STX11: variants seen among roughly 807,000 people sequenced by gnomAD.
STX11 encodes syntaxin-11.
A neutral mutation model predicts 19.9 loss-of-function variants in STX11; 21 were observed. That is an observed-to-expected ratio of 1.06 (90% CI 0.75 to 1.52). The LOEUF (loss-of-function observed/expected upper bound fraction) is 1.52, where lower values mean the gene tolerates loss of function less well. Ranked by LOEUF, STX11 falls within the 40% of genes most tolerant of loss-of-function variation. The pLI, the probability that STX11 is intolerant of heterozygous loss-of-function variation, is 0.00. For synonymous variants in STX11, 193 were observed against 174.4 expected (o/e 1.11, Z -0.84); for missense variants, 438 against 405.9 (o/e 1.08, Z -0.68).
At position 144,155,373 on chromosome 6, in the gene STX11, A is replaced by C. The variant is rs1232469714; in HGVS notation, c.-6+4670A>C. Among the ~76,000 whole-genome samples the C allele has an allele frequency of 2.0e-5, 3 of 152,166 alleles. No homozygotes were observed. The highest frequency in any genetic ancestry group is 4.4e-5 in the Non-Finnish European group (3 of 68,036). On this transcript the variant is annotated intron_variant, in intron 1 of 1. Coordinates refer to ENST00000367568, the MANE Select transcript of STX11 (RefSeq NM_003764.4). The surrounding 1 kb of genome is among the most constrained non-coding windows in gnomAD (Gnocchi z 4.5). ...GCGGGGGAGAATGTTCAAATGTCTA[A>C]AGCTTGAAGTTTTAAAATAGTTTCT...
chr6:144,171,754 G>A (rs760038951), intron 1 of STX11, among the ~76,000 whole-genome samples: 4 of 151,480 alleles, frequency 2.6e-5, no homozygotes, highest in Non-Finnish European at 5.9e-5. Context: ...TATGACCACA[G>A]TCTTCAAAAA....
chr6:144,151,511 C>T lies in STX11; in HGVS notation c.-6+808C>T. The T allele has an allele frequency of 1.2e-6, 1 of 844,672 alleles. No individual in the cohort carries two copies. Among genetic ancestry groups the T allele is most frequent in the Non-Finnish European group, 1.4e-6 (1 of 701,614 alleles). 52.3% of individuals were successfully genotyped at this position (844,672 alleles called of 1,614,324 possible). ...AAAATGAGACTCTAGATGTGAAATG[C>T]CTGCCCTGCCAACCTGGGGCAGTGG... On this transcript the variant is annotated intron_variant, in intron 1 of 1. Transcript: ENST00000367568. This position sits in a 1 kb window ranked among gnomAD's most constrained non-coding sequence, Gnocchi z 4.6.
At chr6:144,157,231 C>A (rs949252018) in intron 1 of STX11, among the ~76,000 whole-genome samples, 1 of 152,168 alleles carries the variant, frequency 6.6e-6, no homozygotes, top group Non-Finnish European at 1.5e-5. Context: ...TGCACAACAG[C>A]GGCCTCAACA....
rs756779119 is a variant in STX11 at position 144,188,827 on chromosome 6, A to G, written c.*1336A>G. 8.3e-5 allele frequency among the ~76,000 whole-genome samples: 12 copies of G among 144,660 alleles called. No homozygotes were observed. The highest frequency in any genetic ancestry group is 2.2e-4 in the Admixed American group (3 of 13,902). 94.9% of individuals were successfully genotyped at this position (144,660 alleles called of 152,430 possible). On this transcript the variant is annotated 3_prime_UTR_variant, in exon 2 of 2. Coordinates refer to ENST00000367568, the MANE Select transcript of STX11 (RefSeq NM_003764.4). ...TTGCAACCTCTGTCTCCCAGGTTCGAGCGATTCTCCTGACTCAGCCTCCTG... is the reference window on the plus strand; with the variant it reads ...TTGCAACCTCTGTCTCCCAGGTTCGGGCGATTCTCCTGACTCAGCCTCCTG...
At chr6:144,146,716 C>G (rs1800880419), upstream of STX11, among the ~76,000 whole-genome samples, 1 of 152,118 alleles carries the variant, frequency 6.6e-6, no homozygotes, top group Non-Finnish European at 1.5e-5. The surrounding 1 kb of genome is among the most constrained non-coding windows in gnomAD (Gnocchi z 4.4). Flanking sequence ...ACCACCGCAC[C>G]CGGCTAATTC....
rs973899128 is a variant in STX11 at position 144,176,583 on chromosome 6, C to T, written c.-5-10040C>T. Among the ~76,000 whole-genome samples, 1 of 152,104 alleles carries T rather than the reference C, an allele frequency of 6.6e-6. No homozygotes were observed. Among genetic ancestry groups the T allele is most frequent in the African/African-American group, 2.4e-5 (1 of 41,420 alleles). The stretch of plus-strand genomic sequence containing the variant: ...TATAGAATGTTTGCTTCTCGAATGT[C>T]TTTGCTTGCCACAGTCTCTAAAGGG... On this transcript the variant is annotated intron_variant, in intron 1 of 1. Coordinates refer to ENST00000367568, the MANE Select transcript of STX11 (RefSeq NM_003764.4). The surrounding 1 kb of genome is among the most constrained non-coding windows in gnomAD (Gnocchi z 4.1).
chr6:144,161,177 T>A (rs1171113315), intron 1 of STX11, among the ~76,000 whole-genome samples: 1 of 152,164 alleles, frequency 6.6e-6, no homozygotes, highest in Non-Finnish European at 1.5e-5. Flanking sequence ...CATGAAGAAT[T>A]TGAATTTTTA....
rs573648525 is a variant in STX11 at position 144,162,632 on chromosome 6, C to T, written c.-6+11929C>T. ...CTGCCCTAAAACATAGAGGATGGATCATAGGCATGGGATGTTTTGATGGAC... is the reference window on the plus strand; with the variant it reads ...CTGCCCTAAAACATAGAGGATGGATTATAGGCATGGGATGTTTTGATGGAC... On this transcript the variant is annotated intron_variant, in intron 1 of 1. Transcript: ENST00000367568. The surrounding 1 kb of genome is among the most constrained non-coding windows in gnomAD (Gnocchi z 4.6). Among the ~76,000 whole-genome samples the T allele has an allele frequency of 6.6e-6, 1 of 152,130 alleles. No individual in the cohort carries two copies. The highest frequency in any genetic ancestry group is 2.1e-4 in the South Asian group (1 of 4,828).
chr6:144,178,967 C>T (rs970201299), intron 1 of STX11, among the ~76,000 whole-genome samples: 1 of 151,996 alleles, frequency 6.6e-6, no homozygotes, highest in African/African-American at 2.4e-5. Flanking sequence ...AGTCTGTTTT[C>T]ATGCTGCTGA....
In STX11 at chr6:144,154,580, A is replaced by G. The variant is rs1005357688; in HGVS notation, c.-6+3877A>G. 2.0e-5 allele frequency among the ~76,000 whole-genome samples: 3 copies of G among 152,208 alleles called. No homozygotes were observed. The highest frequency in any genetic ancestry group is 2.9e-5 in the Non-Finnish European group (2 of 68,038). On this transcript the variant is annotated intron_variant, in intron 1 of 1. Coordinates refer to ENST00000367568, the MANE Select transcript of STX11 (RefSeq NM_003764.4). This position sits in a 1 kb window ranked among gnomAD's most constrained non-coding sequence, Gnocchi z 4.7. The stretch of plus-strand genomic sequence containing the variant: ...CAATGTTTTGTTGCTAAGATTTTCC[A>G]TAGGGAAGCAGAAAGGCTAGCAAGG...
At chr6:144,142,593 T>G in the STX11 span, among the ~76,000 whole-genome samples, 1 of 152,206 alleles carries the variant, frequency 6.6e-6, no homozygotes, top group Non-Finnish European at 1.5e-5. Context: ...CATAAAAGAA[T>G]GAAATCATGT....
At chr6:144,173,312 A>G (rs1230918557) in intron 1 of STX11, among the ~76,000 whole-genome samples, 3 of 152,190 alleles carry the variant, frequency 2.0e-5, no homozygotes, top group African/African-American at 7.2e-5. Context: ...AATTGTTTTC[A>G]TGTTAGACCT....
chr6:144,166,345 C>G (rs1308391285), intron 1 of STX11, among the ~76,000 whole-genome samples: 2 of 152,170 alleles, frequency 1.3e-5, no homozygotes, highest in Non-Finnish European at 2.9e-5. Context: ...CATCAGTCCT[C>G]AGATTGGCTT....
rs187432786 is a variant in STX11 at position 144,170,356 on chromosome 6, G to C, written c.-5-16267G>C. 6.6e-6 allele frequency among the ~76,000 whole-genome samples: 1 copy of C among 152,164 alleles called. No individual in the cohort carries two copies. Among genetic ancestry groups the C allele is most frequent in the African/African-American group, 2.4e-5 (1 of 41,434 alleles). ...TATTACCTTTTGTCTGTGTGTGTGC[G>C]TGGGAAGGGGAATCTGGACATGTGC... On this transcript the variant is annotated intron_variant, in intron 1 of 1. Transcript: ENST00000367568. The surrounding 1 kb of genome is among the most constrained non-coding windows in gnomAD (Gnocchi z 4.7).
At position 144,187,617 on chromosome 6, in the gene STX11, A is replaced by G; in HGVS notation, c.*126A>G. On this transcript the variant is annotated 3_prime_UTR_variant, in exon 2 of 2. Transcript: ENST00000367568. The surrounding 1 kb of genome is among the most constrained non-coding windows in gnomAD (Gnocchi z 5.6). The stretch of plus-strand genomic sequence containing the variant: ...CCTTTCCGGAACTCAGTCTTTAGAA[A>G]AGAAACGCCAGGTTCAAGAATTGCA... 1.5e-6 allele frequency: 2 copies of G among 1,302,598 alleles called. No individual in the cohort carries two copies. The highest frequency in any genetic ancestry group is 2.1e-6 in the Non-Finnish European group (2 of 937,032). 80.7% of individuals were successfully genotyped at this position (1,302,598 alleles called of 1,614,324 possible).
In STX11 at chr6:144,165,387, G is replaced by C. The variant is rs779733776; in HGVS notation, c.-6+14684G>C. Among the ~76,000 whole-genome samples, 1 of 151,986 alleles carries C rather than the reference G, an allele frequency of 6.6e-6. No homozygotes were observed. On this transcript the variant is annotated intron_variant, in intron 1 of 1. Transcript: ENST00000367568. The surrounding 1 kb of genome is among the most constrained non-coding windows in gnomAD (Gnocchi z 5.8). ...GGAGAATTGCTTGAACCCGGGAGGC[G>C]GAGGTTGCGGTGAGCAGAGATCGCG...
rs1009219990 is a variant in STX11 at position 144,162,447 on chromosome 6, T to C, written c.-6+11744T>C. Among the ~76,000 whole-genome samples, 3 of 152,236 alleles carry C rather than the reference T, an allele frequency of 2.0e-5. No homozygotes were observed. Among genetic ancestry groups the C allele is most frequent in the African/African-American group, 7.2e-5 (3 of 41,462 alleles). Reference sequence around the variant, plus strand: ...TTGGCTTATGCCTTTAGAAAGTTCCTTTAGTGGAGTTTTGGAAGGGAGCAA... The same window carrying C: ...TTGGCTTATGCCTTTAGAAAGTTCCCTTAGTGGAGTTTTGGAAGGGAGCAA... On this transcript the variant is annotated intron_variant, in intron 1 of 1. Coordinates refer to ENST00000367568, the MANE Select transcript of STX11 (RefSeq NM_003764.4). The surrounding 1 kb of genome is among the most constrained non-coding windows in gnomAD (Gnocchi z 4.6).
At position 144,176,370 on chromosome 6, in the gene STX11, A is replaced by C. The variant is rs1198820448; in HGVS notation, c.-5-10253A>C. The stretch of plus-strand genomic sequence containing the variant: ...ACTTCTCCGAGACCCAGTTATTAGT[A>C]AATCGAAAATGATGTTACCCTCCTC... On this transcript the variant is annotated intron_variant, in intron 1 of 1. Coordinates refer to ENST00000367568, the MANE Select transcript of STX11 (RefSeq NM_003764.4). This position sits in a 1 kb window ranked among gnomAD's most constrained non-coding sequence, Gnocchi z 4.1. Among the ~76,000 whole-genome samples the C allele has an allele frequency of 6.6e-6, 1 of 152,162 alleles. No homozygotes were observed. The highest frequency in any genetic ancestry group is 2.4e-5 in the African/African-American group (1 of 41,444).
chr6:144,171,841 A>G (rs558292524), intron 1 of STX11, among the ~76,000 whole-genome samples: 15 of 152,318 alleles, frequency 9.8e-5, no homozygotes. Context: ...TACGCTTTAT[A>G]TTAACTTTTA....
Sources: allele counts gnomAD v4.1 joint callset (sites outside exome capture counted in the v4.1 genomes callset), GRCh38; gene constraint gnomAD v4.1.1; non-coding constraint Gnocchi (gnomAD v3.1); transcripts MANE v1.5; gene names NCBI Gene and HGNC (gene_info 2026-07-23, HGNC 2026-07-21).